Variants in USP42 observed in about 807,000 individuals in gnomAD.
The protein encoded by USP42 is ubiquitin specific peptidase 42.
A neutral mutation model predicts 113.0 loss-of-function variants in USP42; 23 were observed. That is an observed-to-expected ratio of 0.20 (90% CI 0.15 to 0.29). USP42 has a LOEUF of 0.29. Among genes scored for constraint, USP42 ranks in the 10% least tolerant of loss-of-function variants. The probability of loss-of-function intolerance (pLI) is 1.00; values close to 1 mark genes in which losing one functional copy is unlikely to be tolerated. For missense variants in USP42, 2,174 were observed against 1,779.8 expected (o/e 1.22, Z -3.99); for synonymous variants, 933 against 699.0 (o/e 1.33, Z -5.28).
upstream of USP42, among the ~76,000 whole-genome samples, chr7:6,103,268 C>G (rs117330863): frequency 6.6e-6 from 1 of 150,934 alleles, no homozygotes; most frequent in Non-Finnish European, 1.5e-5. Context: ...AAAATCTGGA[C>G]GGGGTGAACA....
chr7:6,111,626 G>A (rs1203405939), intron 2 of USP42, among the ~76,000 whole-genome samples: 1 of 146,688 alleles, frequency 6.8e-6, no homozygotes, highest in Non-Finnish European at 1.5e-5. Flanking sequence ...TTTTTGAGAC[G>A]GAGTCTCGCT....
Position 6,139,210 on chromosome 7 carries a change from C to T in USP42, c.656+16C>T, listed in dbSNP as rs779076715. ...GCAGCAATAAGTAAGTACAACAGAG[C>T]GCCAGCCATGTCTTCATTGGGGATC... On this transcript the variant is annotated intron_variant, in intron 5 of 17. Coordinates refer to ENST00000306177, the MANE Select transcript of USP42 (RefSeq NM_032172.3). This position sits in a 1 kb window ranked among gnomAD's most constrained non-coding sequence, Gnocchi z 4.5. 1.8e-5 allele frequency: 28 copies of T among 1,549,450 alleles called. No homozygotes were observed. The highest frequency in any genetic ancestry group is 8.2e-5 in the African/African-American group (6 of 73,174).
intron 4 of USP42, among the ~76,000 whole-genome samples, chr7:6,136,527 G>C (rs1237417733): frequency 6.6e-6 from 1 of 152,104 alleles, no homozygotes; most frequent in Non-Finnish European, 1.5e-5. Context: ...AAATCAATAT[G>C]TTAAAATAAT....
chr7:6,123,935 G>T (rs1023632148), intron 3 of USP42, among the ~76,000 whole-genome samples: 6 of 151,438 alleles, frequency 4.0e-5, no homozygotes, highest in Admixed American at 3.3e-4. Flanking sequence ...GAGTGCACTG[G>T]CATGATCTTG....
chr7:6,153,258 G>A (rs550206866), intron 14 of USP42, among the ~76,000 whole-genome samples: 50 of 150,834 alleles, frequency 3.3e-4, no homozygotes, highest in Non-Finnish European at 5.5e-4. Context: ...GGGCAACAGA[G>A]TGGGACTCTG....
the USP42 span, among the ~76,000 whole-genome samples, chr7:6,095,922 CT>C: frequency 6.3e-3 from 926 of 147,266 alleles, 57 homozygotes; most frequent in African/African-American, 0.023. Flanking sequence ...CCATACTTGG[CT>C]TTTTTTTTTA....
At chr7:6,136,440 AT>A (rs1781155735) in intron 4 of USP42, among the ~76,000 whole-genome samples, 1 of 152,230 alleles carries the variant, frequency 6.6e-6, no homozygotes, top group Non-Finnish European at 1.5e-5. Context: ...ATATAAACAC[AT>A]TTTGAAACTT....
intron 12 of USP42, among the ~76,000 whole-genome samples, chr7:6,149,155 G>A (rs1481123496): frequency 1.3e-5 from 2 of 152,160 alleles, no homozygotes; most frequent in East Asian, 1.9e-4. Flanking sequence ...AGTGGCGGCT[G>A]AAGCAGCCCC....
intron 3 of USP42, among the ~76,000 whole-genome samples, chr7:6,134,126 C>A (rs533505154): frequency 6.6e-6 from 1 of 152,022 alleles, no homozygotes; most frequent in African/African-American, 2.4e-5. Flanking sequence ...CTCCTGACCT[C>A]GTGATCTGCC....
chr7:6,122,996 G>A (rs1353827013), intron 3 of USP42, among the ~76,000 whole-genome samples: 1 of 151,358 alleles, frequency 6.6e-6, no homozygotes, highest in Non-Finnish European at 1.5e-5. Flanking sequence ...ACTGATTTTT[G>A]TATTTTTTAG....
chr7:6,108,040 C>T (rs746096062), intron 1 of USP42, among the ~76,000 whole-genome samples: 75 of 151,918 alleles, frequency 4.9e-4, no homozygotes, highest in Non-Finnish European at 8.1e-4. Flanking sequence ...AAAAATTAGC[C>T]GGGTGTGGTG....
intron 17 of USP42, 31 bp from the exon 18 acceptor site, chr7:6,160,524 A>G (rs1258202050): frequency 6.5e-6 from 1 of 152,680 alleles, no homozygotes; most frequent in Non-Finnish European, 1.5e-5. Context: ...CCTGCCTCCA[A>G]CTCACTAACC....
At chr7:6,150,554 T>C in intron 14 of USP42, 48 bp downstream of exon 14, 1 of 1,477,844 alleles carries the variant, frequency 6.8e-7, no homozygotes, top group East Asian at 2.3e-5. Context: ...TAGTAGGAAA[T>C]CCAGTAGCCT....
rs1481089212 is a variant in USP42 at position 6,154,842 on chromosome 7, C to T, written c.3288C>T (p.His1096=). 5 of 1,538,130 alleles carry T rather than the reference C, an allele frequency of 3.3e-6. No homozygotes were observed. The African/African-American group carries it at 4.1e-5, about 13-fold the overall frequency. The change falls in exon 15 of 18, where the codon CAC becomes CAT. Residue 1096 remains histidine, a synonymous_variant. Transcript: ENST00000306177. ...TGCACGAGCGGCCGCACAAGGACCA[C>T]AACCGGGGCCGTAGGGGCTGCGAGC... ...AGLHERPHKD[H]NRGRRGCEPA... is the part of the protein sequence containing the mutation.
chr7:6,161,022 C>T lies in USP42; in HGVS notation c.*504C>T, dbSNP rs1356645054. 1 of 152,630 alleles carries T rather than the reference C, an allele frequency of 6.6e-6. No homozygotes were observed. Among genetic ancestry groups the T allele is most frequent in the Non-Finnish European group, 1.5e-5 (1 of 68,026 alleles). 9.5% of individuals were successfully genotyped at this position (152,630 alleles called of 1,614,324 possible). ...AGTCTGTTTTCTGTAATGTCTGATA[C>T]TAGAAACTAATTTGCTTATTTTAGT... On this transcript the variant is annotated 3_prime_UTR_variant, in exon 18 of 18. Transcript: ENST00000306177.
At chr7:6,124,366 C>CA (rs1436605331) in intron 3 of USP42, among the ~76,000 whole-genome samples, 1 of 152,068 alleles carries the variant, frequency 6.6e-6, no homozygotes, top group African/African-American at 2.4e-5. Context: ...TTCCCAGGTT[C>CA]AAGTGATTCT....
rs955033474 is a variant in USP42, at chr7:6,140,388, A to G, written c.724+193A>G. On this transcript the variant is annotated intron_variant, in intron 6 of 17. Coordinates refer to ENST00000306177, the MANE Select transcript of USP42 (RefSeq NM_032172.3). ...CCTCCTGGTAGTTTCCTGTGCATGA[A>G]TAAACTGGGAGCATACTGTGTGCAC... 3.3e-5 allele frequency among the ~76,000 whole-genome samples: 5 copies of G among 152,190 alleles called. No homozygotes were observed. The East Asian group carries it at 7.7e-4, about 23-fold the overall frequency.
At chr7:6,131,362 C>T (rs780564437) in intron 3 of USP42, among the ~76,000 whole-genome samples, 2 of 151,972 alleles carry the variant, frequency 1.3e-5, no homozygotes, top group Admixed American at 6.6e-5. Flanking sequence ...GTAATCCCAG[C>T]TACTCGAGAG....
intron 14 of USP42, among the ~76,000 whole-genome samples, chr7:6,150,948 G>C (rs1343294823): frequency 1.3e-5 from 2 of 152,220 alleles, no homozygotes; most frequent in Non-Finnish European, 2.9e-5. Flanking sequence ...TTGGGGATGT[G>C]GTTGTCATGC....
Sources: allele counts gnomAD v4.1 joint callset (sites outside exome capture counted in the v4.1 genomes callset), GRCh38; gene constraint gnomAD v4.1.1; non-coding constraint Gnocchi (gnomAD v3.1); transcripts MANE v1.5; gene names NCBI Gene and HGNC (gene_info 2026-07-23, HGNC 2026-07-21).